GPC5: variants seen among roughly 807,000 people sequenced by gnomAD.
GPC5 encodes the protein glypican-5.
GPC5 carries 47 observed loss-of-function variants against 53.9 expected under a neutral mutation model. The observed-to-expected ratio is 0.87, with a 90% CI of 0.69 to 1.11. The LOEUF is 1.11. GPC5 is among the 50% of genes most tolerant of loss of function. GPC5 has a pLI of 0.00. For synonymous variants in GPC5, 286 were observed against 263.3 expected, an observed-to-expected ratio of 1.09 and a Z score of -0.84; for missense variants, 748 against 713.1, an observed-to-expected ratio of 1.05 and a Z score of -0.56.
chr13:92,708,475 A>G (rs1170817821), intron 7 of GPC5, among the ~76,000 whole-genome samples: 1 of 152,192 alleles, frequency 6.6e-6, no homozygotes, highest in East Asian at 1.9e-4. Flanking sequence ...AATAGAAGTG[A>G]TTCTCTATTC....
rs531327686 is a variant in GPC5 at position 92,298,512 on chromosome 13, T to C, written c.1561+153523T>C. Among the ~76,000 whole-genome samples, 162 of 152,304 alleles carry C rather than the reference T, an allele frequency of 1.1e-3. 1 individual carries two copies. Among genetic ancestry groups the C allele is most frequent in the African/African-American group, 3.3e-3 (137 of 41,566 alleles). On this transcript the variant is annotated intron_variant, in intron 7 of 7. Transcript: ENST00000377067. The stretch of plus-strand genomic sequence containing the variant: ...GCAGGGATTTTCCCGCTGCTTCCTC[T>C]ACCCCTGTGTTTGGCTTGGCTCTCT...
At chr13:92,027,961 T>G (rs200421325) in intron 6 of GPC5, among the ~76,000 whole-genome samples, 1 of 41,352 alleles carries the variant, frequency 2.4e-5, no homozygotes, top group African/African-American at 7.9e-5. Flanking sequence ...ATGACTGATA[T>G]ATAACAAAAC....
intron 7 of GPC5, among the ~76,000 whole-genome samples, chr13:92,256,751 C>A (rs556228148): frequency 6.6e-6 from 1 of 151,456 alleles, no homozygotes; most frequent in Non-Finnish European, 1.5e-5. Context: ...ATATTGTTTT[C>A]TTCCATTAAA....
intron 7 of GPC5, among the ~76,000 whole-genome samples, chr13:92,401,075 G>A (rs1875534442): frequency 6.6e-6 from 1 of 151,894 alleles, no homozygotes; most frequent in African/African-American, 2.4e-5. Context: ...CCAAAATGGA[G>A]CTTTCAGTGA....
At chr13:92,842,608 G>T (rs1260312375) in intron 7 of GPC5, among the ~76,000 whole-genome samples, 4 of 148,762 alleles carry the variant, frequency 2.7e-5, no homozygotes, top group Non-Finnish European at 3.0e-5. Flanking sequence ...GATTACTATA[G>T]ACCCAAAAAG....
At chr13:92,769,254 T>C (rs1177107275) in intron 7 of GPC5, among the ~76,000 whole-genome samples, 1 of 152,214 alleles carries the variant, frequency 6.6e-6, no homozygotes, top group African/African-American at 2.4e-5. Context: ...GGCAGGACTA[T>C]AAATTATGCC....
At chr13:92,736,276 C>T (rs1471330978) in intron 7 of GPC5, among the ~76,000 whole-genome samples, 4 of 151,964 alleles carry the variant, frequency 2.6e-5, no homozygotes, top group Non-Finnish European at 4.4e-5. Flanking sequence ...ATATATTCTG[C>T]TTTGAGTAGC....
intron 4 of GPC5, among the ~76,000 whole-genome samples, chr13:91,733,783 A>G (rs1400008094): frequency 2.0e-5 from 3 of 152,176 alleles, no homozygotes; most frequent in Admixed American, 6.5e-5. Flanking sequence ...AACAGAGACA[A>G]GTTAATACCT....
At chr13:92,291,238 G>C (rs2042993050) in intron 7 of GPC5, among the ~76,000 whole-genome samples, 3 of 152,172 alleles carry the variant, frequency 2.0e-5, no homozygotes, top group Non-Finnish European at 4.4e-5. Context: ...CGGGCGCATG[G>C]CACGGGACTG....
rs150298787 is a variant in GPC5 at position 91,872,679 on chromosome 13, T to C, written c.1281-35258T>C. ...TGACTTATTTCTCACAATAAGCATATAACATATATAGTATAACTTACCTAA... is the reference window on the plus strand; with the variant it reads ...TGACTTATTTCTCACAATAAGCATACAACATATATAGTATAACTTACCTAA... On this transcript the variant is annotated intron_variant, in intron 5 of 7. Coordinates refer to ENST00000377067, the MANE Select transcript of GPC5 (RefSeq NM_004466.6). Among the ~76,000 whole-genome samples, 10 of 152,270 alleles carry C rather than the reference T, an allele frequency of 6.6e-5. No homozygotes were observed. The East Asian group carries it at 1.9e-3, about 29-fold the overall frequency.
chr13:91,924,133 C>T (rs1041071814), intron 6 of GPC5, among the ~76,000 whole-genome samples: 11 of 152,238 alleles, frequency 7.2e-5, no homozygotes, highest in African/African-American at 2.4e-4. Context: ...ATTTGATGTG[C>T]ACTCTTTACA....
intron 5 of GPC5, among the ~76,000 whole-genome samples, chr13:91,769,104 A>G (rs2037576601): frequency 6.6e-6 from 1 of 152,138 alleles, no homozygotes; most frequent in East Asian, 1.9e-4. Flanking sequence ...TCTACAGGGA[A>G]TGCTACTAGG....
chr13:91,635,230 G>A (rs917767083), intron 2 of GPC5, among the ~76,000 whole-genome samples: 6 of 151,918 alleles, frequency 3.9e-5, no homozygotes, highest in Admixed American at 3.9e-4. Context: ...ATTTTGTATA[G>A]AAGCCTAATA....
At chr13:92,088,024 C>A (rs2041349560) in intron 6 of GPC5, among the ~76,000 whole-genome samples, 1 of 151,980 alleles carries the variant, frequency 6.6e-6, no homozygotes, top group African/African-American at 2.4e-5. Context: ...CCCATCTAGG[C>A]CTCCCAAAGT....
chr13:92,373,043 G>C (rs893198887), intron 7 of GPC5, among the ~76,000 whole-genome samples: 1 of 152,140 alleles, frequency 6.6e-6, no homozygotes, highest in Non-Finnish European at 1.5e-5. Flanking sequence ...GTAGTAAATA[G>C]TAATTGGTTT....
At chr13:92,111,537 C>T (rs980105126) in intron 6 of GPC5, among the ~76,000 whole-genome samples, 1 of 151,666 alleles carries the variant, frequency 6.6e-6, no homozygotes, top group African/African-American at 2.4e-5. Flanking sequence ...CATCAGTTAG[C>T]AACTAGATGT....
intron 7 of GPC5, among the ~76,000 whole-genome samples, chr13:92,723,333 T>A (rs1211711056): frequency 1.1e-4 from 4 of 36,002 alleles, no homozygotes; most frequent in Non-Finnish European, 1.4e-4. Flanking sequence ...AACACTTTCT[T>A]CTTTGTATTC....
intron 7 of GPC5, among the ~76,000 whole-genome samples, chr13:92,820,264 A>G (rs1233060671): frequency 1.3e-5 from 2 of 152,138 alleles, no homozygotes; most frequent in African/African-American, 4.8e-5. Context: ...TTTAATCCGT[A>G]AATCAGTCAT....
chr13:92,697,298 A>G (rs771031229), intron 7 of GPC5, among the ~76,000 whole-genome samples: 2 of 152,134 alleles, frequency 1.3e-5, no homozygotes, highest in African/African-American at 2.4e-5. Context: ...CAGTACAGCC[A>G]TTTTCACGAT....
Sources: gnomAD v4.1 joint callset for allele counts (sites outside exome capture counted in the v4.1 genomes callset) on GRCh38, gnomAD v4.1.1 for gene constraint, MANE v1.5 for transcripts, NCBI Gene and HGNC (gene_info 2026-07-23, HGNC 2026-07-21) for gene names.